ZNF780B: variants seen among roughly 807,000 people sequenced by gnomAD.
ZNF780B encodes the protein zinc finger protein 780B, also known as zinc finger protein 779.
ZNF780B carries 52 observed loss-of-function variants against 74.1 expected under a neutral mutation model. The ratio of observed to expected loss-of-function variants is 0.70; its 90% CI spans 0.56 to 0.88. The LOEUF (loss-of-function observed/expected upper bound fraction) is 0.88, where lower values mean the gene tolerates loss of function less well. ZNF780B is among the 40% of genes least tolerant of loss of function. ZNF780B has a pLI of 0.00. For missense variants in ZNF780B, 953 were observed against 1,007.6 expected (o/e 0.95, Z 0.73); for synonymous variants, 315 against 324.3 (o/e 0.97, Z 0.31).
chr19:40,048,580 A>G, intron 3 of ZNF780B, 90 bp downstream of exon 3: 1 of 1,593,596 alleles, frequency 6.3e-7, no homozygotes, highest in South Asian at 1.1e-5. Flanking sequence ...GAATCCAACT[A>G]CCTCTTAAAA....
intron 1 of ZNF780B, among the ~76,000 whole-genome samples, chr19:40,053,742 G>A (rs528235256): frequency 2.6e-4 from 39 of 152,258 alleles, no homozygotes; most frequent in African/African-American, 9.4e-4. Flanking sequence ...ATAAAAAAAG[G>A]GAAATGCTGT....
At chr19:40,051,495 T>A (rs1385514923) in intron 1 of ZNF780B, among the ~76,000 whole-genome samples, 1 of 152,210 alleles carries the variant, frequency 6.6e-6, no homozygotes, top group Non-Finnish European at 1.5e-5. Context: ...GTTAGTACAA[T>A]TTCTAAAAAA....
Position 40,035,738 on chromosome 19 carries a change from T to C in ZNF780B, c.1121A>G (p.Asn374Ser), listed in dbSNP as rs780934827. The C allele has an allele frequency of 1.2e-6, 2 of 1,613,540 alleles. No individual in the cohort carries two copies. Among genetic ancestry groups the C allele is most frequent in the Non-Finnish European group, 8.5e-7 (1 of 1,179,886 alleles). The change falls in exon 5 of 5, where the codon AAT becomes AGT. Residue 374 changes from asparagine (N) to serine (S), a missense_variant. Coordinates refer to ENST00000434248, the MANE Select transcript of ZNF780B (RefSeq NM_001005851.3). ...AATATTCTTATGGCGATTAAGCTGA[T>C]TGAGGAGACTAAAGGCCTTCCCGCA... The part of the protein sequence containing the change: ...RECGKAFSLL[N>S]QLNRHKNIHT...
At chr19:40,054,074 AC>A (rs1156593253) in intron 1 of ZNF780B, among the ~76,000 whole-genome samples, 2 of 152,084 alleles carry the variant, frequency 1.3e-5, no homozygotes, top group East Asian at 3.8e-4. Context: ...AATTACTTGA[AC>A]CCGGGAGGCA....
chr19:40,049,087 G>A (rs1436872292), intron 2 of ZNF780B: 1 of 366,034 alleles, frequency 2.7e-6, no homozygotes, highest in East Asian at 6.0e-5. Flanking sequence ...AAGAAAGAAA[G>A]AACTGTCGTG....
intron 2 of ZNF780B, 163 bp from the exon 3 acceptor site, chr19:40,048,959 C>T (rs912490832): frequency 3.1e-5 from 36 of 1,153,580 alleles, no homozygotes; most frequent in Middle Eastern, 2.0e-4. Context: ...TGTGGTGGCT[C>T]ATGCCTGTTA....
chr19:40,035,843 C>T lies in ZNF780B; in HGVS notation c.1016G>A (p.Arg339Lys). Reference sequence around the variant, plus strand: ...CTTTGTCAGAAGAGTAAAGGCCTTTCTGCATTCTTTACATTCAAAGGGTTT... The same window carrying T: ...CTTTGTCAGAAGAGTAAAGGCCTTTTTGCATTCTTTACATTCAAAGGGTTT... ...GEKPFECKEC[R>K]KAFTLLTKLV... The change falls in exon 5 of 5, where the codon AGA becomes AAA. Residue 339 changes from arginine to lysine, a missense_variant. Arg to Lys is a conservative substitution (Grantham distance 26, BLOSUM62 2). Transcript: ENST00000434248. 6.2e-7 allele frequency: 1 copy of T among 1,613,928 alleles called. No homozygotes were observed.
chr19:40,047,380 T>C lies in ZNF780B; in HGVS notation c.227A>G (p.Tyr76Cys), dbSNP rs774724752. The stretch of plus-strand genomic sequence containing the variant: ...CCTGCTTTACTCTCACTTACCTGGA[T>C]ACCATCTGCTTGTTTCTTTACTTAC... ...IVVSKETSRW[Y>C]PDLESKYGPE... Residue 76 changes from tyrosine to cysteine, a missense_variant, in exon 4 of 5, where the codon TAT becomes TGT. Tyr to Cys is a radical substitution (Grantham distance 194, BLOSUM62 -2). Coordinates refer to ENST00000434248, the MANE Select transcript of ZNF780B (RefSeq NM_001005851.3). 6.2e-7 allele frequency: 1 copy of C among 1,612,712 alleles called. No homozygotes were observed. Among genetic ancestry groups the C allele is most frequent in the African/African-American group, 1.3e-5 (1 of 74,896 alleles).
Position 40,035,371 on chromosome 19 carries a change from A to T in ZNF780B, c.1488T>A (p.Thr496=). 6.2e-7 allele frequency: 1 copy of T among 1,614,134 alleles called. No individual in the cohort carries two copies. The part of the protein sequence containing the change: ...TQLARHKNIH[T]GEKPFECKDC... ...CTTTACATTCAAATGGTTTCTCACC[A>T]GTATGAATGTTCTTATGTCGAGCAA... Residue 496 remains threonine (T), a synonymous_variant, in exon 5 of 5, where the codon ACT becomes ACA. Coordinates refer to ENST00000434248, the MANE Select transcript of ZNF780B (RefSeq NM_001005851.3).
chr19:40,036,480 T>C lies in ZNF780B; in HGVS notation c.379A>G (p.Arg127Gly). 3 of 1,610,842 alleles carry C rather than the reference T, an allele frequency of 1.9e-6. No individual in the cohort carries two copies. The highest frequency in any genetic ancestry group is 2.5e-6 in the Non-Finnish European group (3 of 1,179,130). Reference protein sequence around the residue: ...YFRNDSEYRSRFEGRQGHQEG... With the variant: ...YFRNDSEYRSGFEGRQGHQEG... Reference sequence around the variant, plus strand: ...TGATGTCCCTGTCGTCCCTCAAATCTACTTCTATATTCTGAGTCATTTCTA... The same window carrying C: ...TGATGTCCCTGTCGTCCCTCAAATCCACTTCTATATTCTGAGTCATTTCTA... Residue 127 changes from arginine (R) to glycine (G), a missense_variant, in exon 5 of 5, where the codon AGA becomes GGA. Transcript: ENST00000434248.
At chr19:40,044,036 G>GCCT (rs1425516326) in intron 4 of ZNF780B, among the ~76,000 whole-genome samples, 2 of 152,154 alleles carry the variant, frequency 1.3e-5, no homozygotes, top group Admixed American at 6.5e-5. Flanking sequence ...TTCCTATTCG[G>GCCT]CCATCTTGGT....
intron 2 of ZNF780B, 133 bp downstream of exon 2, chr19:40,050,186 GACTCC>G (rs1177141598): frequency 1.7e-5 from 15 of 876,724 alleles, no homozygotes; most frequent in Non-Finnish European, 6.4e-6. Flanking sequence ...GACAGAGCAA[GACTCC>G]GTCTCAAAAA....
At chr19:40,043,611 G>T (rs900462405) in intron 4 of ZNF780B, among the ~76,000 whole-genome samples, 1 of 152,200 alleles carries the variant, frequency 6.6e-6, no homozygotes, top group Non-Finnish European at 1.5e-5. Context: ...AATGGCAGGC[G>T]CCCCTCCTCC....
chr19:40,042,334 G>A (rs1021363209), intron 4 of ZNF780B, among the ~76,000 whole-genome samples: 1 of 152,044 alleles, frequency 6.6e-6, no homozygotes, highest in South Asian at 2.1e-4. Context: ...TGCCCTTAAC[G>A]TTTTTTCCTT....
chr19:40,048,607 A>G (rs1040352018), intron 3 of ZNF780B, 63 bp downstream of exon 3: 7 of 1,612,590 alleles, frequency 4.3e-6, no homozygotes, highest in African/African-American at 2.7e-5. Context: ...CCTGAAACTC[A>G]TGATGAAGAA....
At chr19:40,046,298 T>C (rs955709859) in intron 4 of ZNF780B, among the ~76,000 whole-genome samples, 2 of 152,240 alleles carry the variant, frequency 1.3e-5, no homozygotes, top group Admixed American at 6.5e-5. Flanking sequence ...GTGGATCTGA[T>C]GGATACCTCA....
At position 40,035,724 on chromosome 19, in the gene ZNF780B, G is replaced by A. The variant is rs754974163; in HGVS notation, c.1135C>T (p.His379Tyr). The A allele has an allele frequency of 1.9e-6, 3 of 1,614,050 alleles. No individual in the cohort carries two copies. Among genetic ancestry groups the A allele is most frequent in the Non-Finnish European group, 2.5e-6 (3 of 1,180,026 alleles). Residue 379 changes from histidine (H) to tyrosine (Y), a missense_variant, in exon 5 of 5, where the codon CAT becomes TAT. Transcript: ENST00000434248. ...AFSLLNQLNR[H>Y]KNIHTGEKPF... The stretch of plus-strand genomic sequence containing the variant: ...TTTTCACCTGTGTGAATATTCTTAT[G>A]GCGATTAAGCTGATTGAGGAGACTA...
Position 40,034,764 on chromosome 19 carries a change from A to T in ZNF780B, c.2095T>A (p.Cys699Ser). 1 of 1,613,962 alleles carries T rather than the reference A, an allele frequency of 6.2e-7. No homozygotes were observed. The highest frequency in any genetic ancestry group is 8.5e-7 in the Non-Finnish European group (1 of 1,179,954). Reference sequence around the variant, plus strand: ...CTAAAGGTCTTCCTACACTCCTTACATACAAAGGGTTTCGCACTGGAATGA... The same window carrying T: ...CTAAAGGTCTTCCTACACTCCTTACTTACAAAGGGTTTCGCACTGGAATGA... ...KTHSSAKPFV[C>S]KECRKTFRYH... The change falls in exon 5 of 5, where the codon TGT (cysteine) becomes AGT (serine). Residue 699 changes from cysteine to serine, a missense_variant. Transcript: ENST00000434248.
Position 40,036,123 on chromosome 19 carries a change from T to C in ZNF780B, c.736A>G (p.Lys246Glu), listed in dbSNP as rs752891232. The C allele has an allele frequency of 6.2e-7, 1 of 1,613,682 alleles. No homozygotes were observed. Among genetic ancestry groups the C allele is most frequent in the East Asian group, 2.2e-5 (1 of 44,842 alleles). Reference sequence around the variant, plus strand: ...CATTCCTTACATTCAAACAGTTTCTTAACTGTGTGAATGTTCTTATGGCGA... The same window carrying C: ...CATTCCTTACATTCAAACAGTTTCTCAACTGTGTGAATGTTCTTATGGCGA... Reference protein sequence around the residue: ...LNRHKNIHTVKKLFECKECGK... With the variant: ...LNRHKNIHTVEKLFECKECGK... The change falls in exon 5 of 5, where the codon AAG (lysine) becomes GAG (glutamate). Residue 246 changes from lysine to glutamate, a missense_variant. Lys to Glu is a moderately conservative substitution (Grantham distance 56). Transcript: ENST00000434248.
Sources: allele counts gnomAD v4.1 joint callset (sites outside exome capture counted in the v4.1 genomes callset), GRCh38; gene constraint gnomAD v4.1.1; transcripts MANE v1.5; gene names NCBI Gene and HGNC (gene_info 2026-07-23, HGNC 2026-07-21).